Variants in NR2F1-AS1 observed in about 807,000 individuals in gnomAD.
The protein encoded by NR2F1-AS1 is NR2F1 antisense RNA 1.
intron 4 of NR2F1-AS1, among the ~76,000 whole-genome samples, chr5:93,486,925 T>C (rs1750735597): frequency 6.6e-6 from 1 of 152,222 alleles, no homozygotes; most frequent in Admixed American, 6.5e-5. Flanking sequence ...ATCCCTGGGA[T>C]GCAAGGCTGG....
chr5:93,555,246 A>T (rs1432978348), intron 2 of NR2F1-AS1, among the ~76,000 whole-genome samples: 2 of 152,156 alleles, frequency 1.3e-5, no homozygotes, highest in African/African-American at 4.8e-5. Flanking sequence ...TAAGGTTAAA[A>T]CTGGCTACTA....
intron 4 of NR2F1-AS1, among the ~76,000 whole-genome samples, chr5:93,487,031 T>C (rs1750739036): frequency 6.6e-6 from 1 of 152,144 alleles, no homozygotes. Flanking sequence ...AAAAGGCCTT[T>C]GATAAAATTC....
At chr5:93,582,999 A>C (rs1044932045), upstream of NR2F1-AS1, among the ~76,000 whole-genome samples, 1 of 151,938 alleles carries the variant, frequency 6.6e-6, no homozygotes, top group Non-Finnish European at 1.5e-5. Context: ...CTCTCCAACC[A>C]ATGGCGTGCA....
At chr5:93,494,370 C>A (rs1197287153) in intron 4 of NR2F1-AS1, among the ~76,000 whole-genome samples, 1 of 152,142 alleles carries the variant, frequency 6.6e-6, no homozygotes, top group Non-Finnish European at 1.5e-5. Context: ...GTGGCTCACG[C>A]CTGTAATCTG....
At chr5:93,533,363 A>G (rs1561486946) in intron 4 of NR2F1-AS1, among the ~76,000 whole-genome samples, 2 of 152,158 alleles carry the variant, frequency 1.3e-5, no homozygotes, top group Non-Finnish European at 2.9e-5. Context: ...CGCACTCAAA[A>G]CATAATTAAA....
intron 4 of NR2F1-AS1, among the ~76,000 whole-genome samples, chr5:93,546,773 G>A (rs1034750007): frequency 6.6e-6 from 1 of 152,178 alleles, no homozygotes; most frequent in Non-Finnish European, 1.5e-5. Context: ...GGATGGGGGA[G>A]AATGACCAAC....
chr5:93,574,435 C>G (rs1253684942), intron 1 of NR2F1-AS1, among the ~76,000 whole-genome samples: 1 of 152,170 alleles, frequency 6.6e-6, no homozygotes, highest in Non-Finnish European at 1.5e-5. Context: ...GTTCTCAACT[C>G]ACCCCTTGTT....
chr5:93,438,776 A>G (rs962693617), intron 4 of NR2F1-AS1: 2 of 152,232 alleles, frequency 1.3e-5, no homozygotes, highest in African/African-American at 4.8e-5. Flanking sequence ...GGAGAAAACA[A>G]GAGATTAGTC....
intron 2 of NR2F1-AS1, among the ~76,000 whole-genome samples, chr5:93,557,809 T>A (rs1041335528): frequency 2.0e-5 from 3 of 152,232 alleles, no homozygotes; most frequent in Non-Finnish European, 4.4e-5. Context: ...ATAGCATTTT[T>A]ACCCACAGTA....
At chr5:93,539,992 A>G (rs533577811) in intron 4 of NR2F1-AS1, among the ~76,000 whole-genome samples, 19 of 152,350 alleles carry the variant, frequency 1.2e-4, no homozygotes, top group African/African-American at 4.1e-4. Flanking sequence ...AGCCCAAGAT[A>G]AGCCTACCAT....
intron 4 of NR2F1-AS1, among the ~76,000 whole-genome samples, chr5:93,501,033 A>G (rs973627382): frequency 1.3e-5 from 2 of 152,194 alleles, no homozygotes; most frequent in Non-Finnish European, 2.9e-5. Context: ...TTCTCATTCT[A>G]GATGCTATTA....
At chr5:93,544,319 T>C (rs907426663) in intron 4 of NR2F1-AS1, among the ~76,000 whole-genome samples, 1 of 152,160 alleles carries the variant, frequency 6.6e-6, no homozygotes, top group Non-Finnish European at 1.5e-5. Flanking sequence ...TTGTCAAAAG[T>C]TGCATAATCA....
chr5:93,566,811 T>A (rs1446246377), intron 1 of NR2F1-AS1, among the ~76,000 whole-genome samples: 1 of 151,986 alleles, frequency 6.6e-6, no homozygotes, highest in Non-Finnish European at 1.5e-5. Flanking sequence ...CATTACAACT[T>A]AGTTTATACA....
At chr5:93,419,346 T>C (rs930028498) in intron 4 of NR2F1-AS1, among the ~76,000 whole-genome samples, 3 of 152,222 alleles carry the variant, frequency 2.0e-5, no homozygotes, top group Non-Finnish European at 2.9e-5. Context: ...TCTTAGAGAT[T>C]TGTAACTATA....
chr5:93,485,413 G>A (rs1750692476), intron 4 of NR2F1-AS1, among the ~76,000 whole-genome samples: 1 of 152,144 alleles, frequency 6.6e-6, no homozygotes, highest in African/African-American at 2.4e-5. Context: ...TGAAACCAAT[G>A]AGAACAAAGA....
chr5:93,564,607 C>A (rs1306451967), intron 1 of NR2F1-AS1, among the ~76,000 whole-genome samples: 3 of 152,062 alleles, frequency 2.0e-5, no homozygotes, highest in Admixed American at 2.0e-4. Flanking sequence ...TGAATAGAAA[C>A]AAGAAACAAG....
At position 93,544,504 on chromosome 5, in the gene NR2F1-AS1, C is replaced by T. The variant is rs1327583613; in HGVS notation, n.638+9257G>A. Among the ~76,000 whole-genome samples the T allele has an allele frequency of 2.0e-5, 3 of 151,992 alleles. No individual in the cohort carries two copies. The East Asian group carries it at 5.8e-4, about 29-fold the overall frequency. On this transcript the variant is annotated intron_variant and non_coding_transcript_variant, in intron 4 of 5. Coordinates refer to ENST00000660523, the Ensembl canonical transcript of NR2F1-AS1. ...ACAGCCTGCTATTATTTTTGAGTCC[C>T]CAGGCAGCATACTCTGAAGAATTTC... is the stretch of plus-strand genomic sequence containing the variant.
At chr5:93,413,189 C>CAT (rs975450627) in intron 4 of NR2F1-AS1, among the ~76,000 whole-genome samples, 4 of 146,090 alleles carry the variant, frequency 2.7e-5, no homozygotes, top group Non-Finnish European at 6.0e-5. Flanking sequence ...TCAGAATAGA[C>CAT]ATATATATGT....
intron 4 of NR2F1-AS1, among the ~76,000 whole-genome samples, chr5:93,538,367 C>T (rs539836057): frequency 2.0e-5 from 3 of 151,912 alleles, no homozygotes; most frequent in Non-Finnish European, 2.9e-5. Flanking sequence ...CCCCACTGCT[C>T]GGGAGGCTCA....
Sources: gnomAD v4.1 joint callset for allele counts (sites outside exome capture counted in the v4.1 genomes callset) on GRCh38, gnomAD v4.1.1 for gene constraint, MANE v1.5 for transcripts, NCBI Gene and HGNC (gene_info 2026-07-23, HGNC 2026-07-21) for gene names.